Variants in ANKRD12 observed in about 807,000 individuals in gnomAD.
ANKRD12 encodes the protein ankyrin repeat domain-containing protein 12.
A neutral mutation model predicts 183.4 loss-of-function variants in ANKRD12; 85 were observed. The ratio of observed to expected loss-of-function variants is 0.46; its 90% CI spans 0.39 to 0.56. The LOEUF (loss-of-function observed/expected upper bound fraction) is 0.56. ANKRD12 is among the 20% of genes least tolerant of loss of function. The pLI is 0.00. For missense variants in ANKRD12, 2,405 were observed against 2,357.1 expected, an observed-to-expected ratio of 1.02 and a Z score of -0.42; for synonymous variants, 914 against 800.2, an observed-to-expected ratio of 1.14 and a Z score of -2.40.
intron 6 of ANKRD12, among the ~76,000 whole-genome samples, chr18:9,213,545 A>G (rs1380955945): frequency 3.9e-5 from 6 of 151,930 alleles, no homozygotes; most frequent in African/African-American, 1.2e-4. Context: ...TTAGTACAAT[A>G]CTATGTTGTA....
chr18:9,158,893 G>T (rs2030993622), intron 1 of ANKRD12, among the ~76,000 whole-genome samples: 1 of 152,124 alleles, frequency 6.6e-6, no homozygotes, highest in South Asian at 2.1e-4. Flanking sequence ...TAATCAGTGT[G>T]GACTTGTAGA....
intron 1 of ANKRD12, among the ~76,000 whole-genome samples, chr18:9,146,550 A>G (rs2078499894): frequency 6.6e-6 from 1 of 152,164 alleles, no homozygotes; most frequent in Admixed American, 6.5e-5. Flanking sequence ...AACCAACCAA[A>G]TACACGCTTA....
At chr18:9,213,076 A>T (rs534161618) in intron 6 of ANKRD12, among the ~76,000 whole-genome samples, 14 of 151,906 alleles carry the variant, frequency 9.2e-5, no homozygotes, top group Non-Finnish European at 1.5e-4. Flanking sequence ...TTTATGTATC[A>T]TATCAATTGA....
At chr18:9,245,582 C>T (rs1192677765) in intron 8 of ANKRD12, among the ~76,000 whole-genome samples, 1 of 152,092 alleles carries the variant, frequency 6.6e-6, no homozygotes, top group Non-Finnish European at 1.5e-5. Context: ...ATGTCTGAGT[C>T]GTGAATATCT....
At chr18:9,276,488 G>A (rs2039840784) in intron 11 of ANKRD12, among the ~76,000 whole-genome samples, 1 of 152,156 alleles carries the variant, frequency 6.6e-6, no homozygotes, top group African/African-American at 2.4e-5. Context: ...GCCAAAGTGG[G>A]CAATCACTTG....
chr18:9,234,648 A>G (rs1226149688), intron 8 of ANKRD12, among the ~76,000 whole-genome samples: 1 of 152,044 alleles, frequency 6.6e-6, no homozygotes, highest in Non-Finnish European at 1.5e-5. Flanking sequence ...TATGGGGGCT[A>G]TGGTTCCCAG....
intron 1 of ANKRD12, among the ~76,000 whole-genome samples, chr18:9,165,713 A>AT (rs941596870): frequency 1.3e-5 from 2 of 151,424 alleles, no homozygotes; most frequent in South Asian, 4.2e-4. Context: ...ATTTATTTTT[A>AT]TTTTTTTATT....
chr18:9,282,503 A>T lies in ANKRD12; in HGVS notation c.*1377A>T. ...TCCAGTTTCTCCTATAACATGATGT[A>T]AATTAAATATTCAGGAATATTTCAG... On this transcript the variant is annotated 3_prime_UTR_variant, in exon 13 of 13. Transcript: ENST00000262126. The T allele has an allele frequency of 6.5e-6, 1 of 152,720 alleles. No individual in the cohort carries two copies. The allele number at this position is 152,720 out of a possible 1,614,324, so 9.5% of individuals were successfully genotyped here.
intron 6 of ANKRD12, 27 bp downstream of exon 6, chr18:9,211,811 A>G (rs2035818058): frequency 6.5e-7 from 1 of 1,545,340 alleles, no homozygotes; most frequent in Admixed American, 1.7e-5. Flanking sequence ...AATACCTACT[A>G]TTCAGGCACT....
chr18:9,193,649 G>A (rs569130456), intron 2 of ANKRD12, among the ~76,000 whole-genome samples: 1 of 151,860 alleles, frequency 6.6e-6, no homozygotes, highest in Non-Finnish European at 1.5e-5. Flanking sequence ...ACATTAATTT[G>A]TTATGCCCCT....
chr18:9,204,862 G>A (rs1427908907), intron 4 of ANKRD12, among the ~76,000 whole-genome samples: 1 of 152,186 alleles, frequency 6.6e-6, no homozygotes, highest in Non-Finnish European at 1.5e-5. Flanking sequence ...ATAGTGTAGT[G>A]ACTCCTATGG....
chr18:9,182,784 T>C (rs1308919480), intron 2 of ANKRD12, among the ~76,000 whole-genome samples: 1 of 152,156 alleles, frequency 6.6e-6, no homozygotes, highest in Non-Finnish European at 1.5e-5. Context: ...TTTTTATTAT[T>C]AGTCATTGTC....
chr18:9,272,343 A>C (rs943589898), intron 10 of ANKRD12, among the ~76,000 whole-genome samples: 8 of 152,128 alleles, frequency 5.3e-5, no homozygotes, highest in African/African-American at 1.9e-4. Flanking sequence ...CAGGTGGATC[A>C]CCTGAGGTCA....
At chr18:9,173,626 G>A (rs865938197) in intron 1 of ANKRD12, among the ~76,000 whole-genome samples, 1 of 120,826 alleles carries the variant, frequency 8.3e-6, no homozygotes, top group South Asian at 2.9e-4. Flanking sequence ...TGGGGGGGGG[G>A]TAGGGGGGGC....
At chr18:9,219,744 T>G (rs1411441735) in intron 7 of ANKRD12, among the ~76,000 whole-genome samples, 1 of 138,858 alleles carries the variant, frequency 7.2e-6, no homozygotes, top group African/African-American at 2.7e-5. Flanking sequence ...CAACACAGAA[T>G]CCTAGAAAGA....
At chr18:9,227,459 G>A (rs2036786064) in intron 8 of ANKRD12, among the ~76,000 whole-genome samples, 1 of 152,190 alleles carries the variant, frequency 6.6e-6, no homozygotes, top group African/African-American at 2.4e-5. Context: ...TCTGGGGCAG[G>A]AAATGTTTGA....
intron 10 of ANKRD12, among the ~76,000 whole-genome samples, chr18:9,275,292 T>C (rs1377177646): frequency 7.4e-6 from 1 of 135,060 alleles, no homozygotes; most frequent in Non-Finnish European, 1.7e-5. Context: ...TAGTGAGACT[T>C]TGTCTCTAAA....
intron 8 of ANKRD12, among the ~76,000 whole-genome samples, chr18:9,233,002 A>G (rs1260092178): frequency 6.6e-6 from 1 of 151,898 alleles, no homozygotes; most frequent in Non-Finnish European, 1.5e-5. Flanking sequence ...GGTGTGCACC[A>G]CCACGCCTGG....
At chr18:9,198,437 CT>C (rs1477289749) in intron 3 of ANKRD12, among the ~76,000 whole-genome samples, 13 of 152,260 alleles carry the variant, frequency 8.5e-5, no homozygotes, top group Admixed American at 3.3e-4. Context: ...TAGGAATTTG[CT>C]TTAGTGGGTC....
Sources: allele counts gnomAD v4.1 joint callset (sites outside exome capture counted in the v4.1 genomes callset), GRCh38; gene constraint gnomAD v4.1.1; transcripts MANE v1.5; gene names NCBI Gene and HGNC (gene_info 2026-07-23, HGNC 2026-07-21).